Variants in CDKAL1 observed in about 807,000 individuals in gnomAD.
The protein encoded by CDKAL1 is CDKAL1 threonylcarbamoyladenosine tRNA methylthiotransferase, also known as threonylcarbamoyladenosine tRNA methylthiotransferase.
In CDKAL1, 32 loss-of-function variants were observed where a neutral mutation model predicts 68.2. The observed-to-expected ratio is 0.47, with a 90% CI of 0.35 to 0.63. The LOEUF is 0.63. Among genes scored for constraint, CDKAL1 ranks in the 30% least tolerant of loss-of-function variants. CDKAL1 has a pLI of 0.00. For synonymous variants in CDKAL1, 234 were observed against 244.3 expected (o/e 0.96, Z 0.39); for missense variants, 606 against 696.7 (o/e 0.87, Z 1.47).
chr6:20,812,491 C>T (rs911994827), intron 8 of CDKAL1, among the ~76,000 whole-genome samples: 2 of 152,110 alleles, frequency 1.3e-5, no homozygotes, highest in Non-Finnish European at 2.9e-5. Context: ...TGATAATGAA[C>T]GTTTTCATCA....
chr6:20,894,331 TGGTAAATTTACCA>T (rs1399484457), intron 9 of CDKAL1, among the ~76,000 whole-genome samples: 3 of 151,876 alleles, frequency 2.0e-5, no homozygotes, highest in Admixed American at 2.0e-4. Context: ...AAATTAACAG[TGGTAAATTTACCA>T]GTACTAGAAC....
chr6:20,655,785 G>A (rs1232682042), intron 5 of CDKAL1, among the ~76,000 whole-genome samples: 10 of 152,096 alleles, frequency 6.6e-5, no homozygotes, highest in Admixed American at 4.6e-4. Flanking sequence ...CACATTCCAC[G>A]TTGTCCAAGA....
chr6:21,198,688 G>A (rs1778566870), intron 14 of CDKAL1, among the ~76,000 whole-genome samples: 2 of 152,214 alleles, frequency 1.3e-5, no homozygotes, highest in Admixed American at 1.3e-4. Flanking sequence ...ACCAGTGTGA[G>A]GATCAAACCA....
intron 8 of CDKAL1, among the ~76,000 whole-genome samples, chr6:20,789,978 A>T (rs1320282533): frequency 6.6e-6 from 1 of 152,180 alleles, no homozygotes; most frequent in Non-Finnish European, 1.5e-5. Flanking sequence ...TTTTGTAGAG[A>T]TAAGATCTCA....
At chr6:20,787,767 A>C (rs1416480320) in intron 8 of CDKAL1, among the ~76,000 whole-genome samples, 1 of 152,232 alleles carries the variant, frequency 6.6e-6, no homozygotes, top group Non-Finnish European at 1.5e-5. Context: ...GGACCAGTTA[A>C]CTATAGATTG....
intron 4 of CDKAL1, among the ~76,000 whole-genome samples, chr6:20,563,413 T>C (rs1381788754): frequency 4.4e-5 from 4 of 90,944 alleles, no homozygotes; most frequent in African/African-American, 1.2e-4. Flanking sequence ...TTAGGGAGAG[T>C]ATTTGAAGCT....
At chr6:20,679,728 GT>G (rs1770287872) in intron 5 of CDKAL1, among the ~76,000 whole-genome samples, 1 of 152,014 alleles carries the variant, frequency 6.6e-6, no homozygotes, top group African/African-American at 2.4e-5. Flanking sequence ...ATTATATTTT[GT>G]TTTAGACAAC....
intron 9 of CDKAL1, among the ~76,000 whole-genome samples, chr6:20,883,000 C>A (rs1365277426): frequency 6.6e-6 from 1 of 150,830 alleles, no homozygotes; most frequent in African/African-American, 2.4e-5. Flanking sequence ...GTTTTTTTTT[C>A]TCTTTTGCTC....
At chr6:20,753,200 C>A (rs1297373559) in intron 6 of CDKAL1, among the ~76,000 whole-genome samples, 1 of 152,184 alleles carries the variant, frequency 6.6e-6, no homozygotes, top group Non-Finnish European at 1.5e-5. Context: ...CAAAGACAAT[C>A]ACTAACTGAC....
intron 4 of CDKAL1, among the ~76,000 whole-genome samples, chr6:20,590,562 G>A (rs1296603196): frequency 1.3e-5 from 2 of 151,758 alleles, no homozygotes; most frequent in African/African-American, 4.8e-5. Flanking sequence ...CTGTGTCCAT[G>A]TGTTCTCATT....
At chr6:21,187,493 C>T (rs2151093065) in intron 13 of CDKAL1, among the ~76,000 whole-genome samples, 1 of 152,224 alleles carries the variant, frequency 6.6e-6, no homozygotes, top group East Asian at 1.9e-4. Context: ...TTTCTTATGC[C>T]ATAAAGATAA....
chr6:21,229,901 C>G (rs1310211314), intron 15 of CDKAL1, among the ~76,000 whole-genome samples: 1 of 152,250 alleles, frequency 6.6e-6, no homozygotes, highest in Admixed American at 6.5e-5. Context: ...AGCCGGTGAA[C>G]AGAAACCACT....
At chr6:20,920,701 G>T (rs1365909221) in intron 9 of CDKAL1, among the ~76,000 whole-genome samples, 1 of 152,130 alleles carries the variant, frequency 6.6e-6, no homozygotes, top group East Asian at 1.9e-4. Context: ...CTAATTGTTT[G>T]TGGGCTGTAT....
chr6:20,735,491 C>T (rs920928924), intron 5 of CDKAL1, among the ~76,000 whole-genome samples: 16 of 152,048 alleles, frequency 1.1e-4, no homozygotes, highest in South Asian at 4.2e-4. Context: ...ATGAGGGAAA[C>T]GACTCCTATG....
At chr6:20,603,071 C>T (rs114400927) in intron 4 of CDKAL1, among the ~76,000 whole-genome samples, 1,654 of 152,262 alleles carry the variant, frequency 0.011, 29 homozygotes, top group African/African-American at 0.036. Flanking sequence ...AAGGTTTATT[C>T]AGTGATTTTT....
At chr6:20,818,857 C>G (rs964506674) in intron 8 of CDKAL1, among the ~76,000 whole-genome samples, 5 of 151,720 alleles carry the variant, frequency 3.3e-5, no homozygotes, top group African/African-American at 1.2e-4. Flanking sequence ...ATTGTTCACC[C>G]TCTTATGGTA....
At chr6:21,117,798 T>G (rs1057244761) in intron 13 of CDKAL1, among the ~76,000 whole-genome samples, 36 of 152,282 alleles carry the variant, frequency 2.4e-4, no homozygotes, top group South Asian at 8.3e-4. Flanking sequence ...ACAAAATGAT[T>G]GTAAAACTTC....
rs561899414 is a variant in CDKAL1 at position 20,567,544 on chromosome 6, G to A, written c.286+18839G>A. 8.5e-5 allele frequency among the ~76,000 whole-genome samples: 13 copies of A among 152,106 alleles called. No individual in the cohort carries two copies. The East Asian group carries it at 2.5e-3, about 30-fold the overall frequency. On this transcript the variant is annotated intron_variant, in intron 4 of 15. Transcript: ENST00000274695. ...GTGAGTTAGGAAATGAGCCAAAATAGGATATATAATGGATAGCCTCTTTTG... is the reference window on the plus strand; with the variant it reads ...GTGAGTTAGGAAATGAGCCAAAATAAGATATATAATGGATAGCCTCTTTTG...
chr6:21,047,362 A>G (rs1056011823), intron 11 of CDKAL1, among the ~76,000 whole-genome samples: 1 of 152,218 alleles, frequency 6.6e-6, no homozygotes, highest in Non-Finnish European at 1.5e-5. Context: ...AGAAGCCATC[A>G]TTTACAAAGC....
Sources: allele counts gnomAD v4.1 joint callset (sites outside exome capture counted in the v4.1 genomes callset), GRCh38; gene constraint gnomAD v4.1.1; transcripts MANE v1.5; gene names NCBI Gene and HGNC (gene_info 2026-07-23, HGNC 2026-07-21).